DLC1: variants seen among roughly 807,000 people sequenced by gnomAD.
The protein encoded by DLC1 is rho GTPase-activating protein 7.
In DLC1, 54 loss-of-function variants were observed where a neutral mutation model predicts 140.3. That is an observed-to-expected ratio of 0.38 (90% confidence interval 0.31 to 0.48). DLC1 has a LOEUF of 0.48. Among genes scored for constraint, DLC1 ranks in the 20% least tolerant of loss-of-function variants. The pLI, the probability that DLC1 is intolerant of heterozygous loss-of-function variation, is 0.96. For missense variants in DLC1, 2,536 were observed against 1,907.0 expected (o/e 1.33, Z -6.14); for synonymous variants, 986 against 728.1 (o/e 1.35, Z -5.70).
Position 13,149,512 on chromosome 8 carries a change from G to T in DLC1, c.1349-33855C>A, listed in dbSNP as rs548779765. 2.0e-5 allele frequency among the ~76,000 whole-genome samples: 3 copies of T among 152,204 alleles called. No individual in the cohort carries two copies. The East Asian group carries it at 5.8e-4, about 29-fold the overall frequency. The stretch of plus-strand genomic sequence containing the variant: ...GTCAGGTCATAAAAATATAGTATTT[G>T]CCCTCTCTGTGTCTATTCCTCATCT... On this transcript the variant is annotated intron_variant, in intron 5 of 17. Coordinates refer to ENST00000276297, the MANE Select transcript of DLC1 (RefSeq NM_182643.3).
intron 1 of DLC1, among the ~76,000 whole-genome samples, chr8:13,530,337 T>C (rs1803054729): frequency 6.6e-6 from 1 of 152,192 alleles, no homozygotes; most frequent in African/African-American, 2.4e-5. Context: ...GATTCAGAAA[T>C]AAATTTACTG....
intron 5 of DLC1, among the ~76,000 whole-genome samples, chr8:13,225,873 C>T (rs778598728): frequency 6.6e-6 from 1 of 152,018 alleles, no homozygotes; most frequent in African/African-American, 2.4e-5. Flanking sequence ...CCTTGGCCTC[C>T]GACTGTGCTG....
intron 5 of DLC1, chr8:13,214,128 T>C (rs1828076682): frequency 6.5e-6 from 1 of 154,472 alleles, no homozygotes; most frequent in African/African-American, 2.4e-5. Flanking sequence ...GAGTACAATA[T>C]CCCAGGGCTT....
chr8:13,375,734 T>A (rs541193047), intron 4 of DLC1, among the ~76,000 whole-genome samples: 1 of 89,642 alleles, frequency 1.1e-5, no homozygotes, highest in African/African-American at 5.4e-5. Flanking sequence ...ATTTTATTTT[T>A]ATTTTTTTGC....
intron 5 of DLC1, among the ~76,000 whole-genome samples, chr8:13,219,021 CGTATATAATTATGT>C (rs1828383160): frequency 9.6e-5 from 3 of 31,306 alleles, no homozygotes; most frequent in African/African-American, 3.4e-4. Flanking sequence ...TAATTATATA[CGTATATAATTATGT>C]GAATATAATT....
At chr8:13,189,695 A>G (rs1826631979) in intron 5 of DLC1, among the ~76,000 whole-genome samples, 1 of 152,052 alleles carries the variant, frequency 6.6e-6, no homozygotes, top group Non-Finnish European at 1.5e-5. Flanking sequence ...CCATCCTGGC[A>G]AACATGGAGA....
chr8:13,180,652 A>C lies in DLC1; in HGVS notation c.1349-64995T>G, dbSNP rs190137284. 9.9e-4 allele frequency among the ~76,000 whole-genome samples: 151 copies of C among 152,216 alleles called. 1 individual carries two copies. The highest frequency in any genetic ancestry group is 3.3e-3 in the African/African-American group (135 of 41,536). ...AACTGGTCACTAAATCAATGTAATC[A>C]CATATGAACACCCACTTCAACTTCT... On this transcript the variant is annotated intron_variant, in intron 5 of 17. Transcript: ENST00000276297.
intron 5 of DLC1, among the ~76,000 whole-genome samples, chr8:13,206,406 A>T (rs1827666230): frequency 6.6e-6 from 1 of 152,192 alleles, no homozygotes; most frequent in African/African-American, 2.4e-5. Flanking sequence ...AGATGTTTCT[A>T]ATACGTCTCG....
chr8:13,282,247 T>C (rs1831388932), intron 5 of DLC1, among the ~76,000 whole-genome samples: 1 of 152,210 alleles, frequency 6.6e-6, no homozygotes, highest in African/African-American at 2.4e-5. Flanking sequence ...CTGGAGCTGT[T>C]TGTTTGGGTT....
intron 2 of DLC1, among the ~76,000 whole-genome samples, chr8:13,465,233 C>T (rs1213063057): frequency 6.6e-6 from 1 of 152,164 alleles, no homozygotes; most frequent in East Asian, 1.9e-4. Flanking sequence ...TCCTGGAGAA[C>T]AAAATCGAGT....
In DLC1 at chr8:13,120,356, A is replaced by AAAAAAAAAAAATATATATATATAT; in HGVS notation, c.1349-4700_1349-4699insATATATATATATATTTTTTTTTTT. On this transcript the variant is annotated intron_variant, in intron 5 of 17. Transcript: ENST00000276297. The stretch of plus-strand genomic sequence containing the variant: ...AGACTCCGTCGCAAAAAAAAAAAAA[A>AAAAAAAAAAAATATATATATATAT]ATATATATATATATAAAATGTATAT... Among the ~76,000 whole-genome samples the AAAAAAAAAAAATATATATATATAT allele has an allele frequency of 1.1e-3, 67 of 61,060 alleles. 2 individuals are homozygous for AAAAAAAAAAAATATATATATATAT. Among genetic ancestry groups the AAAAAAAAAAAATATATATATATAT allele is most frequent in the Non-Finnish European group, 1.4e-3 (37 of 26,548 alleles). 40.1% of individuals were successfully genotyped at this position (61,060 alleles called of 152,430 possible).
At chr8:13,266,238 C>T (rs146550031) in intron 5 of DLC1, among the ~76,000 whole-genome samples, 368 of 152,244 alleles carry the variant, frequency 2.4e-3, no homozygotes, top group African/African-American at 8.0e-3. Context: ...AGTGTTAGTG[C>T]CATGACATAG....
intron 2 of DLC1, 23 bp downstream of exon 2, chr8:13,499,026 G>A (rs1801644000): frequency 6.4e-7 from 1 of 1,552,600 alleles, no homozygotes. Flanking sequence ...TCAAAAGCCA[G>A]AGAATCTGTG....
At chr8:13,594,182 C>T (rs1487496930) in intron 1 of DLC1, among the ~76,000 whole-genome samples, 3 of 151,958 alleles carry the variant, frequency 2.0e-5, no homozygotes, top group Non-Finnish European at 2.9e-5. Flanking sequence ...AAAAGATCCT[C>T]TTTTTATATG....
chr8:13,140,130 C>A (rs572910969), intron 5 of DLC1, among the ~76,000 whole-genome samples: 1 of 152,148 alleles, frequency 6.6e-6, no homozygotes, highest in Non-Finnish European at 1.5e-5. Flanking sequence ...TAGGTATGTC[C>A]TATAGGCAGA....
Position 13,415,888 on chromosome 8 carries a change from C to T in DLC1, c.1024-14269G>A, listed in dbSNP as rs1005570636. ...GAAAAGTAGCATTATGTAATTTCAC[C>T]CCAAGAAGTCCAACTGATGTTCTTG... On this transcript the variant is annotated intron_variant, in intron 2 of 17. Coordinates refer to ENST00000276297, the MANE Select transcript of DLC1 (RefSeq NM_182643.3). 6.8e-4 allele frequency among the ~76,000 whole-genome samples: 104 copies of T among 151,980 alleles called. 2 individuals are homozygous for T. The highest frequency in any genetic ancestry group is 1.5e-4 in the Non-Finnish European group (10 of 67,996).
chr8:13,435,755 A>T (rs949024387), intron 2 of DLC1, among the ~76,000 whole-genome samples: 2 of 152,218 alleles, frequency 1.3e-5, no homozygotes, highest in Non-Finnish European at 2.9e-5. Context: ...GGAGTGGGAG[A>T]ATTGACTGTA....
chr8:13,477,588 A>G (rs1340930735), intron 2 of DLC1, among the ~76,000 whole-genome samples: 1 of 152,348 alleles, frequency 6.6e-6, no homozygotes, highest in Admixed American at 6.5e-5. Context: ...TAATCTGGTG[A>G]TGATGCTTTC....
chr8:13,424,632 C>T (rs1838473440), intron 2 of DLC1, among the ~76,000 whole-genome samples: 1 of 151,852 alleles, frequency 6.6e-6, no homozygotes, highest in Non-Finnish European at 1.5e-5. Context: ...GAGTGCAGTG[C>T]TGCGATCTTG....
Sources: gnomAD v4.1 joint callset for allele counts (sites outside exome capture counted in the v4.1 genomes callset) on GRCh38, gnomAD v4.1.1 for gene constraint, MANE v1.5 for transcripts, NCBI Gene and HGNC (gene_info 2026-07-23, HGNC 2026-07-21) for gene names.